The following NSUN4 variants were observed in gnomAD, a reference collection of about 807,000 sequenced individuals.
NSUN4 encodes 5-cytosine rRNA methyltransferase NSUN4.
A neutral mutation model predicts 43.8 loss-of-function variants in NSUN4; 31 were observed. That is an observed-to-expected ratio of 0.71 (90% CI 0.53 to 0.96). The LOEUF (loss-of-function observed/expected upper bound fraction) is 0.96, where lower values mean the gene tolerates loss of function less well. Among genes scored for constraint, NSUN4 ranks in the 40% least tolerant of loss-of-function variants. The pLI, the probability that NSUN4 is intolerant of heterozygous loss-of-function variation, is 0.00. For missense variants in NSUN4, 439 were observed against 475.6 expected (o/e 0.92, Z 0.72); for synonymous variants, 167 against 184.1 (o/e 0.91, Z 0.75).
chr1:46,373,580 A>G, the NSUN4 span, among the ~76,000 whole-genome samples: 8 of 152,326 alleles, frequency 5.3e-5, no homozygotes, highest in African/African-American at 1.9e-4. Flanking sequence ...GCATGAGCCA[A>G]TCTGGCTTTT....
downstream of NSUN4, among the ~76,000 whole-genome samples, chr1:46,368,202 C>G (rs778106610): frequency 9.9e-5 from 15 of 152,088 alleles, no homozygotes; most frequent in Admixed American, 1.3e-4. Context: ...CCAATCAGCC[C>G]TAAATTCTTC....
At chr1:46,378,639 C>T in the NSUN4 span, among the ~76,000 whole-genome samples, 55 of 152,364 alleles carry the variant, frequency 3.6e-4, no homozygotes, top group Admixed American at 2.2e-3. Context: ...TATCAGTTAG[C>T]TATTGCTTTG....
At chr1:46,343,084 A>G (rs1662228542) in intron 1 of NSUN4, 3 of 399,312 alleles carry the variant, frequency 7.5e-6, no homozygotes, top group East Asian at 3.6e-5. Context: ...AGCAGCCGCC[A>G]TGGACCCTCC....
intron 4 of NSUN4, among the ~76,000 whole-genome samples, chr1:46,358,769 T>C (rs1267872109): frequency 6.6e-6 from 1 of 152,210 alleles, no homozygotes; most frequent in African/African-American, 2.4e-5. Flanking sequence ...CCTTGCTGTT[T>C]TGTTTTTCTT....
chr1:46,376,507 A>C, the NSUN4 span, among the ~76,000 whole-genome samples: 1 of 152,130 alleles, frequency 6.6e-6, no homozygotes, highest in Non-Finnish European at 1.5e-5. Context: ...GAAAATTTTC[A>C]CTGACTCAAG....
chr1:46,349,955 C>CA (rs1662859689), intron 3 of NSUN4, among the ~76,000 whole-genome samples: 1 of 152,194 alleles, frequency 6.6e-6, no homozygotes, highest in African/African-American at 2.4e-5. Flanking sequence ...GCTTAACTAT[C>CA]AGCACCTCAC....
chr1:46,343,057 C>T (rs1428662415), intron 1 of NSUN4: 5 of 399,778 alleles, frequency 1.3e-5, no homozygotes. Context: ...CCTGTCTCGG[C>T]CAATAGTTAT....
At chr1:46,347,639 C>T (rs1318366864) in intron 3 of NSUN4, among the ~76,000 whole-genome samples, 5 of 152,174 alleles carry the variant, frequency 3.3e-5, no homozygotes, top group African/African-American at 9.7e-5. Context: ...ACACACTCCT[C>T]TTCATCTGTT....
chr1:46,380,815 T>C, the NSUN4 span, among the ~76,000 whole-genome samples: 1 of 152,160 alleles, frequency 6.6e-6, no homozygotes, highest in Non-Finnish European at 1.5e-5. Flanking sequence ...AACCCCTCTC[T>C]GTGGGCCTCT....
intron 2 of NSUN4, chr1:46,345,415 C>T (rs1489332048): frequency 1.0e-5 from 4 of 399,648 alleles, no homozygotes; most frequent in East Asian, 9.3e-5. Context: ...CTTTAGGTCC[C>T]TCAGATGGTA....
the NSUN4 span, among the ~76,000 whole-genome samples, chr1:46,375,480 T>C: frequency 6.7e-6 from 1 of 149,948 alleles, no homozygotes; most frequent in Non-Finnish European, 1.5e-5. Context: ...ACGTCTGTAA[T>C]CCCAGCATTT....
intron 2 of NSUN4, 41 bp downstream of exon 2, chr1:46,345,185 G>A: frequency 2.8e-6 from 4 of 1,428,634 alleles, no homozygotes; most frequent in Non-Finnish European, 3.8e-6. Flanking sequence ...CTGAGTGTCT[G>A]CTGGAAGTAG....
chr1:46,355,470 A>G (rs1299689255), intron 4 of NSUN4, among the ~76,000 whole-genome samples: 1 of 152,168 alleles, frequency 6.6e-6, no homozygotes, highest in African/African-American at 2.4e-5. Context: ...CAGCTTCTTC[A>G]TCTGTAAAAT....
At chr1:46,354,486 A>T (rs774429107) in intron 4 of NSUN4, among the ~76,000 whole-genome samples, 1 of 152,290 alleles carries the variant, frequency 6.6e-6, no homozygotes, top group South Asian at 2.1e-4. Flanking sequence ...CTAAAAATAT[A>T]TAAAATATAT....
At chr1:46,341,660 T>A in intron 1 of NSUN4, 6 of 1,153,980 alleles carry the variant, frequency 5.2e-6, no homozygotes, top group East Asian at 3.9e-5. Context: ...CCCCACAACC[T>A]TCCTCGCACT....
chr1:46,360,586 G>A, intron 4 of NSUN4, 118 bp from the exon 5 acceptor site: 1 of 977,128 alleles, frequency 1.0e-6, no homozygotes, highest in Non-Finnish European at 1.5e-6. Flanking sequence ...CTCTGCAAAG[G>A]AGGGATGGGC....
At chr1:46,346,678 C>T (rs1383407373) in intron 2 of NSUN4, among the ~76,000 whole-genome samples, 2 of 151,982 alleles carry the variant, frequency 1.3e-5, no homozygotes, top group East Asian at 3.9e-4. Context: ...GAGACGAGAT[C>T]GTGCCACTGC....
intron 4 of NSUN4, among the ~76,000 whole-genome samples, chr1:46,359,042 G>A (rs2148410873): frequency 6.6e-6 from 1 of 152,156 alleles, no homozygotes; most frequent in East Asian, 1.9e-4. Context: ...TAAATCACCT[G>A]AGGTCAAGAT....
the NSUN4 span, among the ~76,000 whole-genome samples, chr1:46,376,174 G>A: frequency 1.4e-5 from 2 of 148,146 alleles, no homozygotes; most frequent in African/African-American, 2.5e-5. Context: ...TTGGGAGGCC[G>A]AGGTGGGTGG....
Sources: gnomAD v4.1 joint callset for allele counts (sites outside exome capture counted in the v4.1 genomes callset) on GRCh38, gnomAD v4.1.1 for gene constraint, MANE v1.5 for transcripts, NCBI Gene and HGNC (gene_info 2026-07-23, HGNC 2026-07-21) for gene names.